The following PPFIBP2 variants were observed in gnomAD, a reference collection of about 807,000 sequenced individuals.
PPFIBP2 encodes the protein PPFIB scaffold protein 2.
In PPFIBP2, 118 loss-of-function variants were observed where a neutral mutation model predicts 118.3. That is an observed-to-expected ratio of 1.00 (90% CI 0.86 to 1.16). PPFIBP2 has a LOEUF of 1.16. Ranked by LOEUF, PPFIBP2 falls within the 50% of genes most tolerant of loss-of-function variation. PPFIBP2 has a pLI of 0.00. For missense variants in PPFIBP2, 1,195 were observed against 1,073.1 expected (o/e 1.11, Z -1.59); for synonymous variants, 414 against 397.4 (o/e 1.04, Z -0.50).
At chr11:7,560,548 A>T (rs1188403349) in intron 2 of PPFIBP2, among the ~76,000 whole-genome samples, 1 of 152,166 alleles carries the variant, frequency 6.6e-6, no homozygotes, top group Non-Finnish European at 1.5e-5. Context: ...ACATTCACCA[A>T]TTTGGGGGGA....
rs1426931711 is a variant in PPFIBP2, at chr11:7,572,971, T to C, written c.279+7204T>C. ...ATTTTTGTATTTTTCGTAGAGACGGTGTTTCACCAGGTTGACGAGGCTGAT... is the reference window on the plus strand; with the variant it reads ...ATTTTTGTATTTTTCGTAGAGACGGCGTTTCACCAGGTTGACGAGGCTGAT... On this transcript the variant is annotated intron_variant, in intron 3 of 23. Transcript: ENST00000299492. Among the ~76,000 whole-genome samples, 3 of 152,108 alleles carry C rather than the reference T, an allele frequency of 2.0e-5. No homozygotes were observed. In the East Asian group the frequency reaches 5.8e-4, roughly 29 times the overall value.
intron 1 of PPFIBP2, among the ~76,000 whole-genome samples, chr11:7,517,728 G>A (rs951189105): frequency 6.6e-6 from 1 of 152,142 alleles, no homozygotes; most frequent in Non-Finnish European, 1.5e-5. Flanking sequence ...AAGCAGAGTA[G>A]GTCACCCATG....
At chr11:7,627,570 C>T (rs1850192178) in intron 8 of PPFIBP2, among the ~76,000 whole-genome samples, 1 of 152,076 alleles carries the variant, frequency 6.6e-6, no homozygotes. Flanking sequence ...CCTCCAGCTT[C>T]CTTAGGCTCT....
chr11:7,533,444 T>C (rs1850932474), intron 1 of PPFIBP2, among the ~76,000 whole-genome samples: 1 of 152,228 alleles, frequency 6.6e-6, no homozygotes, highest in Non-Finnish European at 1.5e-5. Context: ...TGCTGGGCTC[T>C]GAGGATAGAA....
chr11:7,601,565 A>G (rs1003446953), intron 5 of PPFIBP2, among the ~76,000 whole-genome samples: 2 of 152,170 alleles, frequency 1.3e-5, no homozygotes, highest in African/African-American at 4.8e-5. Context: ...ATAGACAGCT[A>G]CAAGCATCTC....
At chr11:7,562,120 G>T (rs1186261163) in intron 2 of PPFIBP2, among the ~76,000 whole-genome samples, 3 of 152,224 alleles carry the variant, frequency 2.0e-5, no homozygotes, top group Non-Finnish European at 2.9e-5. Context: ...CGCCACCAGT[G>T]ATCTGACAGG....
chr11:7,590,954 C>A (rs1028945322), intron 3 of PPFIBP2, among the ~76,000 whole-genome samples: 1 of 152,172 alleles, frequency 6.6e-6, no homozygotes, highest in African/African-American at 2.4e-5. Flanking sequence ...TTTGATTTTA[C>A]CATACTGATC....
chr11:7,613,577 T>C (rs1262181066), intron 6 of PPFIBP2, among the ~76,000 whole-genome samples: 1 of 152,142 alleles, frequency 6.6e-6, no homozygotes, highest in Non-Finnish European at 1.5e-5. Context: ...AAAGTAGGAC[T>C]ACAGAAGAGT....
Position 7,639,739 on chromosome 11 carries a change from C to T in PPFIBP2, c.1244C>T (p.Pro415Leu). Residue 415 changes from proline (P) to leucine (L), a missense_variant, in exon 15 of 24, where the codon CCT (proline) becomes CTT (leucine). Pro to Leu is a moderately conservative substitution (Grantham distance 98, BLOSUM62 -3). Coordinates refer to ENST00000299492, the MANE Select transcript of PPFIBP2 (RefSeq NM_003621.5). ...PFPVLEPKDS[P>L]FLAEHKYPTL... ...TCTCTCACCTTCCAATAGGACAGCC[C>T]TTTCTTGGCGGAGCACAAATATCCC... The T allele has an allele frequency of 6.2e-7, 1 of 1,614,142 alleles. No homozygotes were observed. The highest frequency in any genetic ancestry group is 2.2e-5 in the East Asian group (1 of 44,888).
chr11:7,596,439 C>T (rs537109699), intron 4 of PPFIBP2, among the ~76,000 whole-genome samples: 2 of 150,628 alleles, frequency 1.3e-5, no homozygotes, highest in East Asian at 1.9e-4. Flanking sequence ...GGAATGTTAA[C>T]CATGTGTCAA....
intron 6 of PPFIBP2, among the ~76,000 whole-genome samples, chr11:7,615,335 CAAA>C (rs35137869): frequency 2.3e-4 from 23 of 99,192 alleles, no homozygotes; most frequent in Non-Finnish European, 2.5e-4. Context: ...GACTCCGTCT[CAAA>C]AAAAAAAAAA....
At chr11:7,661,066 C>T (rs543858280), downstream of PPFIBP2, among the ~76,000 whole-genome samples, 3 of 151,982 alleles carry the variant, frequency 2.0e-5, no homozygotes, top group South Asian at 6.2e-4. Flanking sequence ...TGCTAGCAGT[C>T]TATCAATTTT....
chr11:7,638,615 G>A (rs931565901), intron 14 of PPFIBP2, among the ~76,000 whole-genome samples: 2 of 152,218 alleles, frequency 1.3e-5, no homozygotes, highest in Non-Finnish European at 2.9e-5. Context: ...TTACTGTTGT[G>A]ACTTGCCAGT....
intron 6 of PPFIBP2, among the ~76,000 whole-genome samples, chr11:7,612,281 C>A (rs1365568177): frequency 6.6e-6 from 1 of 152,204 alleles, no homozygotes; most frequent in Non-Finnish European, 1.5e-5. Context: ...GCCAGCCAGG[C>A]AACTTCTGCA....
chr11:7,641,226 A>T, intron 15 of PPFIBP2: 3 of 775,338 alleles, frequency 3.9e-6, no homozygotes, highest in Non-Finnish European at 5.9e-6. Flanking sequence ...ATCCACAAGT[A>T]CTTTGGACCC....
rs970012831 is a variant in PPFIBP2 at position 7,597,336 on chromosome 11, C to T, written c.373-224C>T. On this transcript the variant is annotated intron_variant, in intron 4 of 23. Coordinates refer to ENST00000299492, the MANE Select transcript of PPFIBP2 (RefSeq NM_003621.5). ...GTCTATCAAGAGCAGTAAACGTGAC[C>T]CATGTCATCAGAGCAGTGGCCGAGA... The T allele has an allele frequency of 3.3e-6, 5 of 1,535,612 alleles. No individual in the cohort carries two copies. The East Asian group carries it at 1.2e-4, about 38-fold the overall frequency.
At chr11:7,661,228 A>C (rs1271149376), downstream of PPFIBP2, among the ~76,000 whole-genome samples, 6 of 144,646 alleles carry the variant, frequency 4.1e-5, no homozygotes, top group African/African-American at 1.5e-4. Context: ...TAGTTCTTTT[A>C]ATTGTGATGT....
Position 7,653,538 on chromosome 11 carries a change from G to A in PPFIBP2, c.*320G>A, listed in dbSNP as rs115145117. On this transcript the variant is annotated 3_prime_UTR_variant, in exon 24 of 24. Transcript: ENST00000299492. Reference sequence around the variant, plus strand: ...ACACATGAACTTCGATGCAGGTCCAGAGACCATGGACACTCCCACGAGGCT... The same window carrying A: ...ACACATGAACTTCGATGCAGGTCCAAAGACCATGGACACTCCCACGAGGCT... 733 of 1,330,780 alleles carry A rather than the reference G, an allele frequency of 5.5e-4. 1 individual carries two copies. In the African/African-American group the frequency reaches 9.9e-3, roughly 18 times the overall value. The allele number at this position is 1,330,780 out of a possible 1,614,324, so 82.4% of individuals were successfully genotyped here.
chr11:7,615,394 A>T (rs1442504143), intron 6 of PPFIBP2, among the ~76,000 whole-genome samples: 2 of 152,102 alleles, frequency 1.3e-5, no homozygotes, highest in Non-Finnish European at 2.9e-5. Flanking sequence ...CTGTGGACAG[A>T]CATACCAGAA....
Sources: allele counts gnomAD v4.1 joint callset (sites outside exome capture counted in the v4.1 genomes callset), GRCh38; gene constraint gnomAD v4.1.1; transcripts MANE v1.5; gene names NCBI Gene and HGNC (gene_info 2026-07-23, HGNC 2026-07-21).